Variants in ELF1 observed in about 807,000 individuals in gnomAD.
The protein encoded by ELF1 is E74 like ETS transcription factor 1.
Under a neutral mutation model 59.9 loss-of-function variants are expected in ELF1, and 24 were observed. That is an observed-to-expected ratio of 0.40 (90% CI 0.29 to 0.56). The LOEUF is 0.56. ELF1 is among the 20% of genes least tolerant of loss of function. The pLI is 0.44. For synonymous variants in ELF1, 248 were observed against 266.2 expected, an observed-to-expected ratio of 0.93 and a Z score of 0.67; for missense variants, 627 against 742.2, an observed-to-expected ratio of 0.84 and a Z score of 1.80.
chr13:40,974,325 T>C (rs760254116), intron 2 of ELF1, among the ~76,000 whole-genome samples: 25 of 152,196 alleles, frequency 1.6e-4, no homozygotes, highest in Non-Finnish European at 2.9e-4. Flanking sequence ...AATTCTTCCA[T>C]ATTTTAAACT....
chr13:41,032,287 G>A (rs1406519821), intron 1 of ELF1, among the ~76,000 whole-genome samples: 4 of 150,072 alleles, frequency 2.7e-5, no homozygotes, highest in Non-Finnish European at 4.4e-5. Flanking sequence ...GTGCGATCTC[G>A]GCTCACTGCA....
At chr13:41,000,862 AGAT>A (rs1172860971) in intron 1 of ELF1, among the ~76,000 whole-genome samples, 1 of 101,574 alleles carries the variant, frequency 9.8e-6, no homozygotes, top group African/African-American at 4.0e-5. Flanking sequence ...AGATTAGGAA[AGAT>A]GATAAAAATA....
At chr13:40,957,910 T>C (rs1036262002) in intron 3 of ELF1, among the ~76,000 whole-genome samples, 2 of 152,216 alleles carry the variant, frequency 1.3e-5, no homozygotes, top group African/African-American at 2.4e-5. Flanking sequence ...AACCCGCCTT[T>C]AGACTTACTA....
At chr13:41,015,510 C>T (rs1257281734) in intron 1 of ELF1, among the ~76,000 whole-genome samples, 1 of 152,156 alleles carries the variant, frequency 6.6e-6, no homozygotes, top group Non-Finnish European at 1.5e-5. Flanking sequence ...GCTAATTCCT[C>T]TTCATAGCCT....
intron 1 of ELF1, among the ~76,000 whole-genome samples, chr13:41,014,578 T>C (rs1307613199): frequency 6.6e-6 from 1 of 152,158 alleles, no homozygotes; most frequent in Admixed American, 6.6e-5. Flanking sequence ...CAAAAAACTC[T>C]TTTGTAGGTT....
intron 1 of ELF1, among the ~76,000 whole-genome samples, chr13:41,035,142 T>C (rs891606635): frequency 3.3e-5 from 5 of 152,274 alleles, no homozygotes; most frequent in African/African-American, 2.4e-5. Flanking sequence ...CACACACTTA[T>C]GGTTACTGCT....
At chr13:40,942,773 CAGCCTCCCAAA>C (rs1870261046) in intron 7 of ELF1, among the ~76,000 whole-genome samples, 168 bp downstream of exon 7, 1 of 152,180 alleles carries the variant, frequency 6.6e-6, no homozygotes, top group Non-Finnish European at 1.5e-5. Context: ...CCACCGGCCT[CAGCCTCCCAAA>C]GTGTTGGGAT....
chr13:41,046,961 T>C (rs1223239428), intron 1 of ELF1, among the ~76,000 whole-genome samples: 1 of 152,210 alleles, frequency 6.6e-6, no homozygotes, highest in African/African-American at 2.4e-5. Context: ...TAGTCCCACA[T>C]TTCTTGGAGG....
chr13:41,023,542 G>C (rs989259782), upstream of ELF1, among the ~76,000 whole-genome samples: 1 of 152,186 alleles, frequency 6.6e-6, no homozygotes, highest in Non-Finnish European at 1.5e-5. Flanking sequence ...TGATGTTAAT[G>C]CCTCTCAAAA....
intron 2 of ELF1, among the ~76,000 whole-genome samples, chr13:40,971,508 C>T (rs1241628019): frequency 6.6e-6 from 1 of 152,192 alleles, no homozygotes; most frequent in Non-Finnish European, 1.5e-5. Context: ...GCCTTGGCTT[C>T]CCAGAGTGTT....
At position 40,933,363 on chromosome 13, in the gene ELF1, G is replaced by T; in HGVS notation, c.*62C>A. 6.5e-7 allele frequency: 1 copy of T among 1,538,228 alleles called. No homozygotes were observed. The highest frequency in any genetic ancestry group is 8.8e-7 in the Non-Finnish European group (1 of 1,141,718). Reference sequence around the variant, plus strand: ...TTAGAATTTATCTTAGAATCAGTCAGTCTGCATATAATTGAAAATGTTCAA... The same window carrying T: ...TTAGAATTTATCTTAGAATCAGTCATTCTGCATATAATTGAAAATGTTCAA... On this transcript the variant is annotated 3_prime_UTR_variant, in exon 9 of 9. Transcript: ENST00000239882.
chr13:40,988,774 A>T (rs1873686102), intron 1 of ELF1, among the ~76,000 whole-genome samples: 1 of 152,186 alleles, frequency 6.6e-6, no homozygotes, highest in African/African-American at 2.4e-5. Context: ...ACTTCAAAAT[A>T]GATTTGTACT....
chr13:41,005,946 A>C (rs1037643035), intron 1 of ELF1, among the ~76,000 whole-genome samples: 2 of 152,234 alleles, frequency 1.3e-5, no homozygotes, highest in Admixed American at 6.5e-5. Flanking sequence ...TATAATAAGC[A>C]TAAGTTGCCA....
At chr13:41,036,695 G>A (rs1362178545) in intron 1 of ELF1, among the ~76,000 whole-genome samples, 6 of 152,154 alleles carry the variant, frequency 3.9e-5, no homozygotes, top group African/African-American at 1.4e-4. Context: ...CAAAGACTTG[G>A]AACCAACCCA....
In ELF1 at chr13:40,933,470, C is replaced by G. The variant is rs754084704; in HGVS notation, c.1815G>C (p.Gln605His). 6.2e-7 allele frequency: 1 copy of G among 1,613,984 alleles called. No homozygotes were observed. Among genetic ancestry groups the G allele is most frequent in the Non-Finnish European group, 8.5e-7 (1 of 1,180,014 alleles). ...GCAGTTCGTTTTGTTTCATAGCTAC[C>G]TGAGAAGTAAATCCATTGGAACTGG... ...VVSSSNGFTS[Q>H]VAMKQNELLE... The change falls in exon 9 of 9, where the codon CAG becomes CAC. Residue 605 changes from glutamine to histidine, a missense_variant. Gln to His is a conservative substitution (Grantham distance 24). Coordinates refer to ENST00000239882, the MANE Select transcript of ELF1 (RefSeq NM_172373.4).
chr13:40,937,986 T>A (rs1370472388), intron 8 of ELF1, among the ~76,000 whole-genome samples: 3 of 151,844 alleles, frequency 2.0e-5, no homozygotes, highest in African/African-American at 7.3e-5. Flanking sequence ...CCAGCTAATT[T>A]TTGTATTTTT....
chr13:40,948,871 T>A (rs984649878), intron 5 of ELF1, among the ~76,000 whole-genome samples: 2 of 152,248 alleles, frequency 1.3e-5, no homozygotes, highest in Non-Finnish European at 2.9e-5. Flanking sequence ...GGAAGCTGAC[T>A]AGACCTTACC....
intron 2 of ELF1, among the ~76,000 whole-genome samples, chr13:40,980,581 G>A (rs1873199721): frequency 1.3e-5 from 2 of 152,096 alleles, no homozygotes; most frequent in African/African-American, 2.4e-5. Context: ...CTTCTCTCAT[G>A]TTCCAAAGAG....
intron 1 of ELF1, among the ~76,000 whole-genome samples, chr13:40,996,056 C>T (rs1207135049): frequency 1.3e-5 from 2 of 152,100 alleles, no homozygotes; most frequent in Non-Finnish European, 2.9e-5. Context: ...TACAGATTAG[C>T]ATATGAAAAG....
Sources: allele counts gnomAD v4.1 joint callset (sites outside exome capture counted in the v4.1 genomes callset), GRCh38; gene constraint gnomAD v4.1.1; transcripts MANE v1.5; gene names NCBI Gene and HGNC (gene_info 2026-07-23, HGNC 2026-07-21).